UGT2B10: variants seen among roughly 807,000 people sequenced by gnomAD.
UGT2B10 encodes UDP glucuronosyltransferase family 2 member B10, also known as UDP-glucuronosyltransferase 2B10.
A neutral mutation model predicts 43.7 loss-of-function variants in UGT2B10; 51 were observed. That is an observed-to-expected ratio of 1.17 (90% confidence interval 0.93 to 1.47). The LOEUF (loss-of-function observed/expected upper bound fraction) is 1.47, where lower values mean the gene tolerates loss of function less well. Among genes scored for constraint, UGT2B10 ranks in the 40% most tolerant of loss-of-function variants. UGT2B10 has a pLI of 0.00. For missense variants in UGT2B10, 696 were observed against 617.7 expected, an observed-to-expected ratio of 1.13 and a Z score of -1.34; for synonymous variants, 225 against 209.0, an observed-to-expected ratio of 1.08 and a Z score of -0.66.
At chr4:68,821,442 C>G (rs769340699) in intron 2 of UGT2B10, among the ~76,000 whole-genome samples, 3 of 152,086 alleles carry the variant, frequency 2.0e-5, no homozygotes, top group Non-Finnish European at 2.9e-5. Flanking sequence ...GATGAGAGTT[C>G]CTCACATGCA....
chr4:68,817,638 G>T (rs938881651), intron 1 of UGT2B10, among the ~76,000 whole-genome samples: 1 of 151,648 alleles, frequency 6.6e-6, no homozygotes. Context: ...TTAGAAAATT[G>T]TTTCTATGGT....
At chr4:68,818,276 A>G (rs1463799973) in intron 2 of UGT2B10, 99 bp downstream of exon 2, 2 of 1,555,794 alleles carry the variant, frequency 1.3e-6, no homozygotes, top group Admixed American at 2.2e-5. Context: ...ACTGAAAAAG[A>G]TGGGAAGTAG....
At chr4:68,821,315 G>C (rs1287062286) in intron 2 of UGT2B10, among the ~76,000 whole-genome samples, 1 of 152,130 alleles carries the variant, frequency 6.6e-6, no homozygotes, top group Non-Finnish European at 1.5e-5. Flanking sequence ...TCTTCACCAG[G>C]AGTGTAATGT....
At chr4:68,818,628 C>T (rs1192863176) in intron 2 of UGT2B10, among the ~76,000 whole-genome samples, 2 of 151,042 alleles carry the variant, frequency 1.3e-5, no homozygotes, top group African/African-American at 4.8e-5. Context: ...AAGAAAAAAA[C>T]CCAATGCTAA....
chr4:68,830,724 G>A lies in UGT2B10; in HGVS notation c.1432G>A (p.Ala478Thr), dbSNP rs1738047918. ...RHKGAKHLRV[A>T]AHNLTWFQYH... is the part of the protein sequence containing the mutation. ...CAAAGGAGCCAAACATCTTCGAGTTGCAGCCCACAACCTCACCTGGTTCCA... is the reference window on the plus strand; with the variant it reads ...CAAAGGAGCCAAACATCTTCGAGTTACAGCCCACAACCTCACCTGGTTCCA... The change falls in exon 6 of 6, where the codon GCA becomes ACA. Residue 478 changes from alanine to threonine, a missense_variant. Ala to Thr is a moderately conservative substitution (Grantham distance 58, BLOSUM62 0). Coordinates refer to ENST00000265403, the MANE Select transcript of UGT2B10 (RefSeq NM_001075.6). 6.2e-7 allele frequency: 1 copy of A among 1,613,290 alleles called. No individual in the cohort carries two copies. The highest frequency in any genetic ancestry group is 8.5e-7 in the Non-Finnish European group (1 of 1,179,546).
rs772561990 is a variant in UGT2B10, at chr4:68,823,088, G to A, written c.999+686G>A. Among the ~76,000 whole-genome samples the A allele has an allele frequency of 8.5e-5, 13 of 152,218 alleles. No individual in the cohort carries two copies. The East Asian group carries it at 1.7e-3, about 20-fold the overall frequency. On this transcript the variant is annotated intron_variant, in intron 3 of 5. Coordinates refer to ENST00000265403, the MANE Select transcript of UGT2B10 (RefSeq NM_001075.6). ...GACTGGCTCTGGTGGTCATTATGCAGTATATACTCTATTTAAGGATCAGTG... is the reference window on the plus strand; with the variant it reads ...GACTGGCTCTGGTGGTCATTATGCAATATATACTCTATTTAAGGATCAGTG...
At chr4:68,825,301 T>TTA (rs1737718288) in intron 3 of UGT2B10, among the ~76,000 whole-genome samples, 2 of 151,732 alleles carry the variant, frequency 1.3e-5, no homozygotes, top group African/African-American at 4.8e-5. Flanking sequence ...ATACTTTTTT[T>TTA]ATAATATTTT....
rs370363161 is a variant in UGT2B10, at chr4:68,830,798, C to T, written c.1506C>T (p.Thr502=). Residue 502 remains threonine (T), a synonymous_variant, in exon 6 of 6, where the codon ACC becomes ACT. Coordinates refer to ENST00000265403, the MANE Select transcript of UGT2B10 (RefSeq NM_001075.6). ...VIGFLLACVA[T]VLFIITKCCL... ...GGTTCCTGCTGGCTTGTGTGGCAAC[C>T]GTGCTATTTATCATCACAAAGTGTT... 19 of 1,613,064 alleles carry T rather than the reference C, an allele frequency of 1.2e-5. No homozygotes were observed. Among genetic ancestry groups the T allele is most frequent in the Middle Eastern group, 3.3e-4 (2 of 6,072 alleles).
chr4:68,827,634 A>C (rs1278380783), intron 5 of UGT2B10, 86 bp downstream of exon 5: 1 of 1,551,184 alleles, frequency 6.4e-7, no homozygotes, highest in Admixed American at 2.0e-5. Flanking sequence ...CCTTTTTATA[A>C]GAGAGTGATT....
intron 5 of UGT2B10, among the ~76,000 whole-genome samples, chr4:68,828,002 C>G (rs1737886984): frequency 6.6e-6 from 1 of 151,754 alleles, no homozygotes; most frequent in Non-Finnish European, 1.5e-5. Flanking sequence ...TAGCATAAAA[C>G]CCACCTATTT....
chr4:68,829,396 G>A (rs571057841), intron 5 of UGT2B10, among the ~76,000 whole-genome samples: 56 of 152,048 alleles, frequency 3.7e-4, no homozygotes, highest in African/African-American at 1.2e-3. Context: ...CTGAACAATA[G>A]GTAAATTGGT....
intron 2 of UGT2B10, among the ~76,000 whole-genome samples, chr4:68,821,477 CAG>C (rs1737492271): frequency 6.6e-6 from 1 of 152,116 alleles, no homozygotes; most frequent in African/African-American, 2.4e-5. Context: ...ATCAATTTAA[CAG>C]TGTGATTTCA....
rs1347075748 is a variant in UGT2B10, at chr4:68,830,753, C to CCT, written c.1462_1463insTC (p.His488LeufsTer6). 1.2e-6 allele frequency: 2 copies of CCT among 1,613,414 alleles called. No individual in the cohort carries two copies. The highest frequency in any genetic ancestry group is 4.5e-5 in the East Asian group (2 of 44,812). ...CCCACAACCTCACCTGGTTCCAGTA[C>CCT]CACTCTTTGGATGTGATTGGGTTCC... On this transcript the variant is annotated frameshift_variant, in exon 6 of 6. Transcript: ENST00000265403. LOFTEE classifies it low-confidence loss of function (END_TRUNC).
chr4:68,824,801 A>G (rs183024172), intron 3 of UGT2B10, among the ~76,000 whole-genome samples: 1 of 152,290 alleles, frequency 6.6e-6, no homozygotes, highest in Admixed American at 6.5e-5. Flanking sequence ...CTAAGTGTTA[A>G]TAATCTGTTG....
At chr4:68,828,737 A>G (rs1374598876) in intron 5 of UGT2B10, among the ~76,000 whole-genome samples, 3 of 152,052 alleles carry the variant, frequency 2.0e-5, no homozygotes, top group Non-Finnish European at 4.4e-5. Context: ...TGTATCGTAT[A>G]TATCAACTGG....
chr4:68,826,985 G>T (rs1274588788), intron 4 of UGT2B10, among the ~76,000 whole-genome samples: 2 of 151,938 alleles, frequency 1.3e-5, no homozygotes, highest in African/African-American at 2.4e-5. Flanking sequence ...CTGCTGCCTT[G>T]CACACCCCAC....
chr4:68,816,802 C>T, intron 1 of UGT2B10, 65 bp downstream of exon 1: 7 of 1,294,282 alleles, frequency 5.4e-6, no homozygotes, highest in Non-Finnish European at 7.4e-6. Flanking sequence ...GCACAACTTG[C>T]ATAAAGCCAT....
intron 3 of UGT2B10, among the ~76,000 whole-genome samples, chr4:68,823,445 T>C (rs1737615228): frequency 6.6e-6 from 1 of 152,088 alleles, no homozygotes; most frequent in Non-Finnish European, 1.5e-5. Context: ...AGGCGGAGGT[T>C]GCAATGAGGC....
chr4:68,826,415 T>G lies in UGT2B10; in HGVS notation c.1005T>G (p.Leu335=), dbSNP rs1048834262. ...TATTCTCTTTACTGTAACAGGTTCTTTGGAGATTTGATGGGAATAAACCAG... is the reference window on the plus strand; with the variant it reads ...TATTCTCTTTACTGTAACAGGTTCTGTGGAGATTTGATGGGAATAAACCAG... ...TALAKIPQKV[L]WRFDGNKPDA... The change falls in exon 4 of 6, where the codon CTT becomes CTG. Residue 335 remains leucine, a synonymous_variant. Transcript: ENST00000265403. The G allele has an allele frequency of 1.7e-5, 27 of 1,610,418 alleles. No individual in the cohort carries two copies. In the Admixed American group the frequency reaches 1.7e-4, roughly 10 times the overall value.
Sources: allele counts gnomAD v4.1 joint callset (sites outside exome capture counted in the v4.1 genomes callset), GRCh38; gene constraint gnomAD v4.1.1; transcripts MANE v1.5; gene names NCBI Gene and HGNC (gene_info 2026-07-23, HGNC 2026-07-21).